Variants in PDE11A observed in about 807,000 individuals in gnomAD.
PDE11A encodes dual 3',5'-cyclic-AMP and -GMP phosphodiesterase 11A.
Under a neutral mutation model 100.5 loss-of-function variants are expected in PDE11A, and 100 were observed. The ratio of observed to expected loss-of-function variants is 1.00; its 90% CI spans 0.85 to 1.18. The LOEUF is 1.18. PDE11A is among the 50% of genes most tolerant of loss of function. PDE11A has a pLI of 0.00. For synonymous variants in PDE11A, 381 were observed against 420.8 expected (o/e 0.91, Z 1.16); for missense variants, 1,141 against 1,152.6 (o/e 0.99, Z 0.15).
intron 19 of PDE11A, among the ~76,000 whole-genome samples, chr2:177,632,943 T>C (rs2079977574): frequency 1.3e-5 from 2 of 152,228 alleles, no homozygotes. Context: ...GCCAGTTTTT[T>C]CCCAGGCTCC....
intron 9 of PDE11A, among the ~76,000 whole-genome samples, chr2:177,794,177 G>A (rs991361782): frequency 2.1e-4 from 32 of 152,176 alleles, no homozygotes; most frequent in African/African-American, 6.5e-4. Flanking sequence ...AAGGGGGCAC[G>A]GCAGATTTAA....
At chr2:177,741,456 TG>T (rs985776462) in intron 10 of PDE11A, among the ~76,000 whole-genome samples, 7 of 152,070 alleles carry the variant, frequency 4.6e-5, no homozygotes, top group Non-Finnish European at 5.9e-5. Flanking sequence ...AATTTGGGAG[TG>T]GGGAAGAAAC....
intron 13 of PDE11A, among the ~76,000 whole-genome samples, chr2:177,703,232 A>G (rs1462018227): frequency 6.6e-6 from 1 of 152,156 alleles, no homozygotes; most frequent in Non-Finnish European, 1.5e-5. Flanking sequence ...ATTAGTATCT[A>G]CCATGCGGTA....
chr2:177,754,847 G>C (rs2082069967), intron 10 of PDE11A, among the ~76,000 whole-genome samples: 2 of 152,228 alleles, frequency 1.3e-5, no homozygotes, highest in African/African-American at 2.4e-5. Context: ...CTCTAGGAAG[G>C]AATGTCCTTC....
intron 9 of PDE11A, among the ~76,000 whole-genome samples, chr2:177,811,038 C>A (rs1455966887): frequency 6.6e-6 from 1 of 152,130 alleles, no homozygotes. Flanking sequence ...TATTTTCTGG[C>A]AAATTTCTCT....
Position 178,072,026 on chromosome 2 carries a change from C to G in PDE11A, c.412G>C (p.Asp138His). The G allele has an allele frequency of 6.2e-7, 1 of 1,613,944 alleles. No homozygotes were observed. Among genetic ancestry groups the G allele is most frequent in the Non-Finnish European group, 8.5e-7 (1 of 1,179,846 alleles). ...TGAGCCCGGGAGGTCACCTGTTCAT[C>G]GTAGGTCCTGTTCACGTGGATGGCC... ...SKAIHVNRTYDEQVTSRAQEP... is the reference protein window; with the variant it reads ...SKAIHVNRTYHEQVTSRAQEP... The change falls in exon 1 of 20, where the codon GAT becomes CAT. Residue 138 changes from aspartate (D) to histidine (H), a missense_variant. Coordinates refer to ENST00000286063, the MANE Select transcript of PDE11A (RefSeq NM_016953.4).
chr2:177,801,760 G>A, intron 9 of PDE11A, among the ~76,000 whole-genome samples: 1 of 152,038 alleles, frequency 6.6e-6, no homozygotes, highest in East Asian at 1.9e-4. Context: ...AGCTTTTAGA[G>A]GAGAAAACAG....
chr2:177,989,360 T>A (rs1443909769), intron 2 of PDE11A, among the ~76,000 whole-genome samples: 1 of 152,194 alleles, frequency 6.6e-6, no homozygotes, highest in African/African-American at 2.4e-5. Flanking sequence ...AAGAATACTC[T>A]GCCCAGAGTC....
intron 5 of PDE11A, among the ~76,000 whole-genome samples, chr2:177,858,883 T>C: frequency 6.6e-6 from 1 of 152,130 alleles, no homozygotes; most frequent in Admixed American, 6.6e-5. Flanking sequence ...TAAGAAAATG[T>C]GGCACATATA....
intron 1 of PDE11A, among the ~76,000 whole-genome samples, chr2:178,104,901 T>C (rs902248432): frequency 6.6e-6 from 1 of 152,092 alleles, no homozygotes; most frequent in Non-Finnish European, 1.5e-5. Context: ...ATAGAACAAA[T>C]AGGAAAGGTG....
chr2:178,077,515 T>G (rs1412904534), upstream of PDE11A, among the ~76,000 whole-genome samples: 2 of 152,158 alleles, frequency 1.3e-5, no homozygotes, highest in African/African-American at 4.8e-5. Context: ...CTTTCCTTAA[T>G]TCAAGCCTTC....
intron 1 of PDE11A, among the ~76,000 whole-genome samples, chr2:178,058,136 G>A (rs976064596): frequency 5.9e-5 from 9 of 152,176 alleles, no homozygotes; most frequent in African/African-American, 1.4e-4. Flanking sequence ...GATTACAGGC[G>A]TGAGCCACTG....
chr2:178,046,537 T>C (rs2086753522), intron 1 of PDE11A, among the ~76,000 whole-genome samples: 1 of 152,196 alleles, frequency 6.6e-6, no homozygotes, highest in African/African-American at 2.4e-5. Flanking sequence ...TGTTTGTTTT[T>C]ATAATTGAAG....
At chr2:177,877,247 C>A (rs567878191) in intron 4 of PDE11A, among the ~76,000 whole-genome samples, 1 of 145,752 alleles carries the variant, frequency 6.9e-6, no homozygotes, top group East Asian at 1.9e-4. Flanking sequence ...TCATTGCAGC[C>A]TCCGCCTCCC....
chr2:177,935,517 G>C (rs895590318), intron 2 of PDE11A, among the ~76,000 whole-genome samples: 8 of 152,242 alleles, frequency 5.3e-5, no homozygotes, highest in African/African-American at 1.9e-4. Context: ...AGTTGTATTT[G>C]TTCTGAGGCA....
intron 2 of PDE11A, among the ~76,000 whole-genome samples, chr2:177,945,739 G>T (rs2085409281): frequency 6.7e-6 from 1 of 149,004 alleles, no homozygotes; most frequent in Non-Finnish European, 1.5e-5. Flanking sequence ...GGGGGGGTCA[G>T]CCCCCCGCCC....
At chr2:177,730,846 C>G (rs714529) in intron 10 of PDE11A, among the ~76,000 whole-genome samples, 3,209 of 152,192 alleles carry the variant, frequency 0.021, 111 homozygotes, top group African/African-American at 0.072. Context: ...GTGTACAGTA[C>G]AGTAGTGTTA....
Position 177,997,217 on chromosome 2 carries a change from G to A in PDE11A, c.1071+17085C>T, listed in dbSNP as rs1181298161. ...ATTCAGTAGAGTCTTCCACGACTACGATTTCTTCGTGTGCCCCAACCTCGG... is the reference window on the plus strand; with the variant it reads ...ATTCAGTAGAGTCTTCCACGACTACAATTTCTTCGTGTGCCCCAACCTCGG... On this transcript the variant is annotated intron_variant, in intron 2 of 19. Transcript: ENST00000286063. The A allele has an allele frequency of 6.9e-6, 9 of 1,303,800 alleles. No homozygotes were observed. The Middle Eastern group carries it at 5.5e-4, about 80-fold the overall frequency. The allele number at this position is 1,303,800 out of a possible 1,614,324, so 80.8% of individuals were successfully genotyped here.
intron 6 of PDE11A, among the ~76,000 whole-genome samples, chr2:177,837,111 A>G (rs1285024707): frequency 1.3e-5 from 2 of 151,942 alleles, no homozygotes; most frequent in Admixed American, 6.6e-5. Flanking sequence ...TCCGTGTGCA[A>G]ACCGGTAAAA....
Sources: allele counts gnomAD v4.1 joint callset (sites outside exome capture counted in the v4.1 genomes callset), GRCh38; gene constraint gnomAD v4.1.1; transcripts MANE v1.5; gene names NCBI Gene and HGNC (gene_info 2026-07-23, HGNC 2026-07-21).